Variants in NAV2 observed in about 807,000 individuals in gnomAD.
The protein encoded by NAV2 is helicase, APC down-regulated 1.
NAV2 carries 54 observed loss-of-function variants against 223.2 expected under a neutral mutation model. The ratio of observed to expected loss-of-function variants is 0.24; its 90% CI spans 0.19 to 0.30. NAV2 has a LOEUF of 0.30. Among genes scored for constraint, NAV2 ranks in the 10% least tolerant of loss-of-function variants. The pLI is 1.00. For missense variants in NAV2, 2,806 were observed against 3,147.5 expected, an observed-to-expected ratio of 0.89 and a Z score of 2.60; for synonymous variants, 1,279 against 1,239.3, an observed-to-expected ratio of 1.03 and a Z score of -0.67.
intron 1 of NAV2, among the ~76,000 whole-genome samples, chr11:19,616,165 G>A (rs900101423): frequency 6.6e-6 from 1 of 151,754 alleles, no homozygotes; most frequent in Non-Finnish European, 1.5e-5. Flanking sequence ...GTATGAATGT[G>A]TATTCACATT....
In NAV2 at chr11:20,100,879, C is replaced by T. The variant is rs1010782940; in HGVS notation, c.6182-58C>T. ...GTCTTGGCAGTCCCAGTTAGGCAAG[C>T]ACAGAGAGCTGCCTTTTCTACAGGG... On this transcript the variant is annotated intron_variant, in intron 31 of 37. Coordinates refer to ENST00000349880, the MANE Select transcript of NAV2 (RefSeq NM_145117.5). 4.7e-6 allele frequency: 7 copies of T among 1,481,164 alleles called. No homozygotes were observed. In the African/African-American group the frequency reaches 9.7e-5, roughly 20 times the overall value. 91.8% of individuals were successfully genotyped at this position (1,481,164 alleles called of 1,614,324 possible).
At chr11:19,372,669 C>T (rs1848511227) in intron 1 of NAV2, among the ~76,000 whole-genome samples, 1 of 152,146 alleles carries the variant, frequency 6.6e-6, no homozygotes, top group Admixed American at 6.5e-5. Flanking sequence ...AAAGGCTGAC[C>T]TCCGCTCCAA....
chr11:19,723,436 G>A (rs1374823773), intron 1 of NAV2, among the ~76,000 whole-genome samples: 1 of 152,154 alleles, frequency 6.6e-6, no homozygotes, highest in Non-Finnish European at 1.5e-5. Flanking sequence ...CCAAACCTGT[G>A]CTTTTAACCA....
At chr11:19,709,724 G>A (rs2049806147), upstream of NAV2, among the ~76,000 whole-genome samples, 1 of 151,886 alleles carries the variant, frequency 6.6e-6, no homozygotes, top group African/African-American at 2.4e-5. Flanking sequence ...AATCCCAGCT[G>A]CAGTGAGCCA....
intron 1 of NAV2, among the ~76,000 whole-genome samples, chr11:19,580,013 G>A (rs775422643): frequency 7.9e-5 from 12 of 152,216 alleles, no homozygotes; most frequent in South Asian, 4.1e-4. Flanking sequence ...TTGGACAATT[G>A]TATCTTTTGG....
At chr11:19,446,134 A>C (rs1410979044) in intron 1 of NAV2, among the ~76,000 whole-genome samples, 1 of 152,208 alleles carries the variant, frequency 6.6e-6, no homozygotes, top group African/African-American at 2.4e-5. Context: ...AACACAAGAA[A>C]AACAACGATT....
chr11:19,581,653 A>G (rs965272891), intron 1 of NAV2, among the ~76,000 whole-genome samples: 14 of 152,188 alleles, frequency 9.2e-5, no homozygotes, highest in African/African-American at 2.9e-4. Context: ...GCTGAGAATG[A>G]TGGTTTCCAG....
At position 20,042,937 on chromosome 11, in the gene NAV2, C is replaced by T. The variant is rs1046332827; in HGVS notation, c.2908-1044C>T. Among the ~76,000 whole-genome samples, 8 of 152,176 alleles carry T rather than the reference C, an allele frequency of 5.3e-5. No individual in the cohort carries two copies. The South Asian group carries it at 6.2e-4, about 12-fold the overall frequency. On this transcript the variant is annotated intron_variant, in intron 12 of 37. Coordinates refer to ENST00000349880, the MANE Select transcript of NAV2 (RefSeq NM_145117.5). ...TAGCTGCAGGAGATCATTAACGTCACACTTCGGTCCCCTTCTGGGTTTTAT... is the reference window on the plus strand; with the variant it reads ...TAGCTGCAGGAGATCATTAACGTCATACTTCGGTCCCCTTCTGGGTTTTAT...
chr11:19,817,126 A>C (rs2152833298), intron 1 of NAV2, among the ~76,000 whole-genome samples: 1 of 152,314 alleles, frequency 6.6e-6, no homozygotes, highest in South Asian at 2.1e-4. Flanking sequence ...ACGAGTGCAC[A>C]CAGTTTGCCT....
At chr11:19,899,091 G>T (rs923414164) in intron 6 of NAV2, among the ~76,000 whole-genome samples, 1 of 152,052 alleles carries the variant, frequency 6.6e-6, no homozygotes, top group South Asian at 2.1e-4. Context: ...TTCAGTTGGC[G>T]CTGGCTATTG....
chr11:20,114,988 T>C (rs1440022623), intron 37 of NAV2, among the ~76,000 whole-genome samples, 193 bp downstream of exon 37: 1 of 152,226 alleles, frequency 6.6e-6, no homozygotes, highest in Non-Finnish European at 1.5e-5. Context: ...ACTTCTCCTC[T>C]GAAATTTTTT....
intron 6 of NAV2, among the ~76,000 whole-genome samples, chr11:19,900,936 A>G (rs1220703325): frequency 2.0e-5 from 3 of 152,134 alleles, no homozygotes; most frequent in African/African-American, 7.2e-5. Flanking sequence ...GATTCAGTTG[A>G]TTTATCTTTG....
chr11:19,892,670 G>A (rs1056827401), intron 6 of NAV2, 76 bp downstream of exon 6: 49 of 1,507,528 alleles, frequency 3.3e-5, no homozygotes, highest in Non-Finnish European at 4.0e-5. Context: ...GGGTGAATTG[G>A]GTTGGGTCAT....
intron 1 of NAV2, among the ~76,000 whole-genome samples, chr11:19,454,845 A>G (rs1008433161): frequency 6.6e-6 from 1 of 152,240 alleles, no homozygotes; most frequent in Non-Finnish European, 1.5e-5. Flanking sequence ...AGAGAACAGC[A>G]TGTACAAAGG....
chr11:19,554,318 G>A (rs1370784846), intron 1 of NAV2, among the ~76,000 whole-genome samples: 1 of 152,224 alleles, frequency 6.6e-6, no homozygotes, highest in Non-Finnish European at 1.5e-5. Context: ...GCAGAGCCAG[G>A]ATTGAGTTTG....
At chr11:19,468,032 T>A (rs1271756660) in intron 1 of NAV2, among the ~76,000 whole-genome samples, 1 of 152,088 alleles carries the variant, frequency 6.6e-6, no homozygotes, top group East Asian at 1.9e-4. Flanking sequence ...AAGGAGCTGA[T>A]GAGGGTAATG....
intron 36 of NAV2, among the ~76,000 whole-genome samples, chr11:20,112,588 T>TG (rs1383329620): frequency 2.0e-5 from 3 of 152,194 alleles, no homozygotes; most frequent in Non-Finnish European, 4.4e-5. Flanking sequence ...GCTGTCACAC[T>TG]GATATCTGGC....
intron 27 of NAV2, 51 bp from the exon 28 acceptor site, chr11:20,092,155 T>C: frequency 6.4e-7 from 1 of 1,570,248 alleles, no homozygotes; most frequent in Non-Finnish European, 8.7e-7. Context: ...AGAAAAATCT[T>C]GTTCACATTA....
chr11:19,804,871 T>G (rs1212026978), intron 1 of NAV2, among the ~76,000 whole-genome samples: 1 of 152,128 alleles, frequency 6.6e-6, no homozygotes, highest in Non-Finnish European at 1.5e-5. Context: ...GAGAAACCCG[T>G]AGGATCCCAG....
Sources: gnomAD v4.1 joint callset for allele counts (sites outside exome capture counted in the v4.1 genomes callset) on GRCh38, gnomAD v4.1.1 for gene constraint, MANE v1.5 for transcripts, NCBI Gene and HGNC (gene_info 2026-07-23, HGNC 2026-07-21) for gene names.